Variants in DOK6 observed in about 807,000 individuals in gnomAD.
DOK6 encodes the protein downstream of tyrosine kinase 6.
A neutral mutation model predicts 44.0 loss-of-function variants in DOK6; 22 were observed. The ratio of observed to expected loss-of-function variants is 0.50; its 90% CI spans 0.36 to 0.71. The LOEUF (loss-of-function observed/expected upper bound fraction) is 0.71, where lower values mean the gene tolerates loss of function less well. Ranked by LOEUF, DOK6 falls within the 30% of genes least tolerant of loss-of-function variation. The pLI, the probability that DOK6 is intolerant of heterozygous loss-of-function variation, is 0.00. For synonymous variants in DOK6, 166 were observed against 145.5 expected (o/e 1.14, Z -1.01); for missense variants, 340 against 416.4 (o/e 0.82, Z 1.60).
At chr18:69,822,807 T>C (rs574576462) in intron 7 of DOK6, among the ~76,000 whole-genome samples, 29 of 152,360 alleles carry the variant, frequency 1.9e-4, no homozygotes, top group African/African-American at 6.7e-4. Context: ...TTTTTAAAAA[T>C]ACTTTAAATT....
intron 3 of DOK6, chr18:69,659,725 G>C (rs1328172288): frequency 2.6e-5 from 4 of 151,536 alleles, no homozygotes; most frequent in Non-Finnish European, 4.4e-5. Flanking sequence ...TATTTGCTGG[G>C]ACAGTGTCAC....
intron 1 of DOK6, among the ~76,000 whole-genome samples, chr18:69,423,588 G>A (rs1978555951): frequency 6.6e-6 from 1 of 152,000 alleles, no homozygotes. Context: ...GTTTCTCCAG[G>A]GTATGTGGAT....
intron 1 of DOK6, among the ~76,000 whole-genome samples, chr18:69,499,225 GTA>G (rs993789221): frequency 6.6e-6 from 1 of 150,698 alleles, no homozygotes; most frequent in African/African-American, 2.4e-5. Context: ...ATGTGTGTAT[GTA>G]TATATATATA....
chr18:69,417,064 T>C (rs111882327), intron 1 of DOK6, among the ~76,000 whole-genome samples: 100 of 152,294 alleles, frequency 6.6e-4, no homozygotes, highest in African/African-American at 2.3e-3. Context: ...ACAGTTTTCA[T>C]TTATTTGTGT....
intron 1 of DOK6, among the ~76,000 whole-genome samples, chr18:69,558,508 G>A (rs895882518): frequency 3.3e-5 from 5 of 152,008 alleles, no homozygotes; most frequent in Non-Finnish European, 5.9e-5. Context: ...TTAAAATTCA[G>A]CCAGAGATCT....
In DOK6 at chr18:69,619,437, A is replaced by G. The variant is rs1194269390; in HGVS notation, c.289+19939A>G. 7.2e-5 allele frequency among the ~76,000 whole-genome samples: 11 copies of G among 152,240 alleles called. No homozygotes were observed. In the East Asian group the frequency reaches 2.1e-3, roughly 29 times the overall value. On this transcript the variant is annotated intron_variant, in intron 3 of 7. Transcript: ENST00000382713. ...ACCACCTTCATGATCGTGGGTGTCC[A>G]GAACCATGTTAAGGAATTTCTCTAA...
At chr18:69,458,831 C>T (rs781196446) in intron 1 of DOK6, among the ~76,000 whole-genome samples, 1 of 152,136 alleles carries the variant, frequency 6.6e-6, no homozygotes, top group Non-Finnish European at 1.5e-5. Flanking sequence ...ATGGCTCATG[C>T]CTGTAATCCC....
At position 69,749,849 on chromosome 18, in the gene DOK6, G is replaced by A. The variant is rs1017327984; in HGVS notation, c.739-7907G>A. On this transcript the variant is annotated intron_variant, in intron 6 of 7. Transcript: ENST00000382713. Reference sequence around the variant, plus strand: ...GCAGCTACTTGGGAGGCTGAGGCAGGAGAATTGCTTGAACCTGGGAGGCGA... The same window carrying A: ...GCAGCTACTTGGGAGGCTGAGGCAGAAGAATTGCTTGAACCTGGGAGGCGA... Among the ~76,000 whole-genome samples the A allele has an allele frequency of 7.9e-5, 12 of 151,504 alleles. No individual in the cohort carries two copies. In the East Asian group the frequency reaches 2.1e-3, roughly 27 times the overall value.
rs1446076848 is a variant in DOK6 at position 69,698,621 on chromosome 18, A to G, written c.599+28A>G. On this transcript the variant is annotated intron_variant, in intron 5 of 7. Transcript: ENST00000382713. The stretch of plus-strand genomic sequence containing the variant: ...AAGATCTAGTGCAGCAGCCAAGTGC[A>G]GGAGTTGTCTGTATAACAGAGTCTG... The G allele has an allele frequency of 1.9e-6, 3 of 1,603,946 alleles. 1 individual carries two copies. The South Asian group carries it at 3.4e-5, about 18-fold the overall frequency.
intron 1 of DOK6, among the ~76,000 whole-genome samples, chr18:69,448,709 G>T (rs1395673020): frequency 6.6e-6 from 1 of 151,994 alleles, no homozygotes; most frequent in African/African-American, 2.4e-5. Context: ...TACCATCCTT[G>T]GTCCTTAATG....
Position 69,848,927 on chromosome 18 carries a change from G to A in DOK6, c.*7544G>A, listed in dbSNP as rs951267423. The A allele has an allele frequency of 5.3e-5, 8 of 152,024 alleles. No individual in the cohort carries two copies. Among genetic ancestry groups the A allele is most frequent in the Non-Finnish European group, 1.2e-4 (8 of 67,994 alleles). 9.4% of individuals were successfully genotyped at this position (152,024 alleles called of 1,614,324 possible). On this transcript the variant is annotated 3_prime_UTR_variant, in exon 8 of 8. Coordinates refer to ENST00000382713, the MANE Select transcript of DOK6 (RefSeq NM_152721.6). Reference sequence around the variant, plus strand: ...AAAGCTAACACTGTAATATTACTTGGTTTTCTTATACTTTTGTTATCATGT... The same window carrying A: ...AAAGCTAACACTGTAATATTACTTGATTTTCTTATACTTTTGTTATCATGT...
intron 5 of DOK6, among the ~76,000 whole-genome samples, chr18:69,713,152 G>C (rs2144717119): frequency 6.6e-6 from 1 of 152,252 alleles, no homozygotes; most frequent in East Asian, 1.9e-4. Context: ...CCAGTTGAAT[G>C]AGAAAGCTAT....
chr18:69,529,505 T>G (rs532796950), intron 1 of DOK6, among the ~76,000 whole-genome samples: 6 of 152,330 alleles, frequency 3.9e-5, no homozygotes, highest in South Asian at 4.1e-4. Flanking sequence ...TGCCATCCAC[T>G]TGGAAAGGTA....
intron 3 of DOK6, among the ~76,000 whole-genome samples, chr18:69,645,717 A>C (rs1298176093): frequency 6.6e-6 from 1 of 152,188 alleles, no homozygotes. Flanking sequence ...CTACAAAAAA[A>C]ACCTTGTACA....
intron 1 of DOK6, among the ~76,000 whole-genome samples, chr18:69,506,595 T>C (rs1177672365): frequency 3.9e-5 from 6 of 152,196 alleles, no homozygotes; most frequent in Admixed American, 6.5e-5. Context: ...TTCTTTTTCA[T>C]TGGCAAATAC....
chr18:69,657,984 C>T (rs1985412894), intron 3 of DOK6, among the ~76,000 whole-genome samples: 1 of 152,050 alleles, frequency 6.6e-6, no homozygotes, highest in South Asian at 2.1e-4. Flanking sequence ...AGGGGTCTCC[C>T]TCTATTGCCC....
At chr18:69,612,939 T>C (rs1430288629) in intron 3 of DOK6, among the ~76,000 whole-genome samples, 1 of 151,994 alleles carries the variant, frequency 6.6e-6, no homozygotes. Context: ...TTAAGTGCAG[T>C]GGCATGATCA....
At chr18:69,639,934 G>C (rs987683703) in intron 3 of DOK6, among the ~76,000 whole-genome samples, 2 of 152,078 alleles carry the variant, frequency 1.3e-5, no homozygotes, top group African/African-American at 4.8e-5. Context: ...GTTACAGCTG[G>C]ATCAGGGTCC....
intron 1 of DOK6, among the ~76,000 whole-genome samples, chr18:69,544,835 A>G (rs1030050624): frequency 1.3e-5 from 2 of 151,632 alleles, no homozygotes; most frequent in African/African-American, 4.8e-5. Context: ...TTGATTTAAA[A>G]AAAAATTACA....
Sources: gnomAD v4.1 joint callset for allele counts (sites outside exome capture counted in the v4.1 genomes callset) on GRCh38, gnomAD v4.1.1 for gene constraint, MANE v1.5 for transcripts, NCBI Gene and HGNC (gene_info 2026-07-23, HGNC 2026-07-21) for gene names.